The following VRK2 variants were observed in gnomAD, a reference collection of about 807,000 sequenced individuals.
VRK2 encodes VRK serine/threonine kinase 2, also known as serine/threonine-protein kinase VRK2.
Under a neutral mutation model 57.6 loss-of-function variants are expected in VRK2, and 60 were observed. That is an observed-to-expected ratio of 1.04 (90% CI 0.85 to 1.29). VRK2 has a LOEUF of 1.29. Ranked by LOEUF, VRK2 falls within the 50% of genes most tolerant of loss-of-function variation. The pLI is 0.00. For missense variants in VRK2, 705 were observed against 588.1 expected, an observed-to-expected ratio of 1.20 and a Z score of -2.06; for synonymous variants, 231 against 199.2, an observed-to-expected ratio of 1.16 and a Z score of -1.35.
At chr2:58,144,576 T>A (rs1321406085) in intron 11 of VRK2, among the ~76,000 whole-genome samples, 5 of 151,976 alleles carry the variant, frequency 3.3e-5, no homozygotes. Flanking sequence ...GGAACACATT[T>A]TCACAAGAAT....
intron 1 of VRK2, among the ~76,000 whole-genome samples, chr2:58,009,450 T>G (rs746645621): frequency 6.6e-6 from 1 of 151,406 alleles, no homozygotes; most frequent in Non-Finnish European, 1.5e-5. Flanking sequence ...AAGCCACCAG[T>G]GCAATCTGTA....
intron 7 of VRK2, among the ~76,000 whole-genome samples, chr2:58,103,439 G>A (rs1674300153): frequency 6.6e-6 from 1 of 151,384 alleles, no homozygotes; most frequent in African/African-American, 2.4e-5. Flanking sequence ...AGAAATGCAA[G>A]AGATCATCAG....
upstream of VRK2, among the ~76,000 whole-genome samples, chr2:58,046,306 T>C (rs1469653550): frequency 2.0e-5 from 3 of 152,254 alleles, no homozygotes; most frequent in African/African-American, 7.2e-5. Context: ...TATCCTACGA[T>C]TAATGGCAGA....
At chr2:58,084,501 AGG>A (rs1671341265) in intron 3 of VRK2, among the ~76,000 whole-genome samples, 1 of 151,864 alleles carries the variant, frequency 6.6e-6, no homozygotes, top group African/African-American at 2.4e-5. Flanking sequence ...CATTCAGTAA[AGG>A]TATCATGTGT....
chr2:58,075,956 G>C (rs12467842), intron 2 of VRK2, among the ~76,000 whole-genome samples: 10,230 of 152,080 alleles, frequency 0.067, 433 homozygotes, highest in Middle Eastern at 0.085. Flanking sequence ...TTCTCTGATG[G>C]ATTAAAGAAA....
At chr2:58,089,525 T>C in intron 6 of VRK2, 106 bp from the exon 7 acceptor site, 1 of 577,366 alleles carries the variant, frequency 1.7e-6, no homozygotes, top group South Asian at 4.1e-5. Flanking sequence ...CATCGCTTTG[T>C]CAATGTTAAT....
chr2:58,084,964 G>A lies in VRK2; in HGVS notation c.256+14G>A, dbSNP rs753878229. The stretch of plus-strand genomic sequence containing the variant: ...AAAAAGACTGTAGTAAGTAAAATTA[G>A]CAAAGCAAGCTACTTCCATATATGT... On this transcript the variant is annotated intron_variant, in intron 4 of 12. Coordinates refer to ENST00000340157, the MANE Select transcript of VRK2 (RefSeq NM_006296.7). The A allele has an allele frequency of 2.2e-5, 35 of 1,567,036 alleles. No homozygotes were observed. Among genetic ancestry groups the A allele is most frequent in the South Asian group, 6.1e-5 (5 of 82,610 alleles).
intron 2 of VRK2, among the ~76,000 whole-genome samples, chr2:58,028,899 AATAAATATAT>A (rs70954874): frequency 0.16 from 12,600 of 78,970 alleles, 608 homozygotes; most frequent in East Asian, 0.3. Context: ...TAAATAAATA[AATAAATATAT>A]ATATATATAT....
chr2:58,069,160 T>C (rs964058188), intron 2 of VRK2, among the ~76,000 whole-genome samples: 20 of 152,310 alleles, frequency 1.3e-4, no homozygotes, highest in African/African-American at 4.3e-4. Context: ...AATACTGATA[T>C]TTTGTTTTAG....
rs748963116 is a variant in VRK2, at chr2:58,048,995, ATTC to A, written c.136+31_136+33del. ...AAAGTAAAACCTTAAATTAACAATT[ATTC>A]TTATATCTGTGACTGTAACCGTGAT... On this transcript the variant is annotated intron_variant, in intron 2 of 12. Coordinates refer to ENST00000340157, the MANE Select transcript of VRK2 (RefSeq NM_006296.7). 1.1e-5 allele frequency: 18 copies of A among 1,605,806 alleles called. No homozygotes were observed. In the East Asian group the frequency reaches 3.6e-4, roughly 32 times the overall value.
chr2:58,158,646 A>G (rs1325589877), intron 12 of VRK2, among the ~76,000 whole-genome samples: 3 of 152,172 alleles, frequency 2.0e-5, no homozygotes, highest in African/African-American at 7.2e-5. Flanking sequence ...CAAAGCAGAA[A>G]AACTCGACTT....
At chr2:58,005,077 G>C (rs180861427) in intron 1 of VRK2, among the ~76,000 whole-genome samples, 215 of 152,162 alleles carry the variant, frequency 1.4e-3, no homozygotes, top group African/African-American at 4.7e-3. Flanking sequence ...AAGAAAGAAG[G>C]CTTGCAATTT....
At chr2:57,958,894 C>T (rs1018030283) in intron 1 of VRK2, among the ~76,000 whole-genome samples, 1 of 152,100 alleles carries the variant, frequency 6.6e-6, no homozygotes, top group South Asian at 2.1e-4. Context: ...TCAGTTGTGT[C>T]ATTGCTTGTA....
At position 58,110,925 on chromosome 2, in the gene VRK2, C is replaced by G. The variant is rs148895099; in HGVS notation, c.544-12176C>G. Among the ~76,000 whole-genome samples, 44 of 152,266 alleles carry G rather than the reference C, an allele frequency of 2.9e-4. 1 individual carries two copies. The East Asian group carries it at 8.5e-3, about 29-fold the overall frequency. ...TCACACCCTCTCCATGATCAACTGCCCAGGAAGAGTGTGGCCTTGGTGCAC... is the reference window on the plus strand; with the variant it reads ...TCACACCCTCTCCATGATCAACTGCGCAGGAAGAGTGTGGCCTTGGTGCAC... On this transcript the variant is annotated intron_variant, in intron 7 of 12. Coordinates refer to ENST00000340157, the MANE Select transcript of VRK2 (RefSeq NM_006296.7).
chr2:58,089,751 A>AT, intron 7 of VRK2, 28 bp downstream of exon 7: 1 of 1,504,880 alleles, frequency 6.6e-7, no homozygotes. Context: ...CTTTTAATAA[A>AT]GGTCTTTAAT....
intron 3 of VRK2, among the ~76,000 whole-genome samples, chr2:58,037,101 A>C (rs1257294394): frequency 2.6e-5 from 4 of 151,808 alleles, no homozygotes; most frequent in Non-Finnish European, 5.9e-5. Flanking sequence ...ATGCCCAGCT[A>C]ATTTTTGTAT....
intron 1 of VRK2, among the ~76,000 whole-genome samples, chr2:57,980,767 C>A (rs933111099): frequency 1.3e-5 from 2 of 152,112 alleles, no homozygotes; most frequent in Non-Finnish European, 2.9e-5. Context: ...TTAATTGAAC[C>A]CTTTATCAAT....
At chr2:58,158,777 A>G (rs1025211175) in intron 12 of VRK2, among the ~76,000 whole-genome samples, 13 of 152,090 alleles carry the variant, frequency 8.5e-5, no homozygotes, top group African/African-American at 2.7e-4. Flanking sequence ...TTTTATATTA[A>G]TACCACTTAA....
chr2:57,971,636 T>C (rs1246738932), intron 1 of VRK2, among the ~76,000 whole-genome samples: 1 of 151,874 alleles, frequency 6.6e-6, no homozygotes, highest in Non-Finnish European at 1.5e-5. Flanking sequence ...TCTGGGAGGC[T>C]CACAATTCCT....
Sources: allele counts gnomAD v4.1 joint callset (sites outside exome capture counted in the v4.1 genomes callset), GRCh38; gene constraint gnomAD v4.1.1; transcripts MANE v1.5; gene names NCBI Gene and HGNC (gene_info 2026-07-23, HGNC 2026-07-21).